Variants in IRAK2 observed in about 807,000 individuals in gnomAD.
IRAK2 encodes interleukin 1 receptor associated kinase 2.
Under a neutral mutation model 72.0 loss-of-function variants are expected in IRAK2, and 57 were observed. The ratio of observed to expected loss-of-function variants is 0.79; its 90% CI spans 0.64 to 0.99. The LOEUF (loss-of-function observed/expected upper bound fraction) is 0.99. Ranked by LOEUF, IRAK2 falls within the 50% of genes least tolerant of loss-of-function variation. IRAK2 has a pLI of 0.00. For synonymous variants in IRAK2, 293 were observed against 312.7 expected (o/e 0.94, Z 0.67); for missense variants, 790 against 794.4 (o/e 0.99, Z 0.07).
rs1273395262 is a variant in IRAK2, at chr3:10,181,703, A to G, written c.277+3683A>G. ...AACTGTCACGGAAGACTCTACAAAAACCACAACCTTGCATAAAGACCATTG... is the reference window on the plus strand; with the variant it reads ...AACTGTCACGGAAGACTCTACAAAAGCCACAACCTTGCATAAAGACCATTG... On this transcript the variant is annotated intron_variant, in intron 2 of 12. Coordinates refer to ENST00000256458, the MANE Select transcript of IRAK2 (RefSeq NM_001570.4). Among the ~76,000 whole-genome samples the G allele has an allele frequency of 9.9e-5, 15 of 152,272 alleles. No individual in the cohort carries two copies. In the East Asian group the frequency reaches 1.7e-3, roughly 18 times the overall value.
At chr3:10,228,652 A>G (rs1697816032) in intron 10 of IRAK2, among the ~76,000 whole-genome samples, 1 of 152,176 alleles carries the variant, frequency 6.6e-6, no homozygotes, top group Admixed American at 6.5e-5. Context: ...AGACTCTTGT[A>G]TGGTCTCTTA....
chr3:10,169,098 C>T (rs1461033867), intron 1 of IRAK2, among the ~76,000 whole-genome samples: 1 of 152,062 alleles, frequency 6.6e-6, no homozygotes, highest in Non-Finnish European at 1.5e-5. Flanking sequence ...AGCCACAAAA[C>T]CAGCGAGTTT....
intron 1 of IRAK2, among the ~76,000 whole-genome samples, chr3:10,172,667 G>A (rs1294825914): frequency 7.0e-6 from 1 of 142,480 alleles, no homozygotes; most frequent in Non-Finnish European, 1.5e-5. Flanking sequence ...GTGAAACCCC[G>A]TCTCTACCAA....
intron 7 of IRAK2, among the ~76,000 whole-genome samples, chr3:10,218,001 G>A (rs1051761730): frequency 6.6e-6 from 1 of 152,200 alleles, no homozygotes; most frequent in Non-Finnish European, 1.5e-5. Flanking sequence ...GGAACATAGA[G>A]GACAAATGTC....
intron 3 of IRAK2, 83 bp from the exon 4 acceptor site, chr3:10,209,503 GACT>G: frequency 1.2e-6 from 1 of 802,764 alleles, no homozygotes; most frequent in Non-Finnish European, 1.9e-6. Flanking sequence ...GTGAACAGGA[GACT>G]GGCATAGTCT....
Position 10,237,775 on chromosome 3 carries a change from C to T in IRAK2, c.1474-973C>T, listed in dbSNP as rs575476303. Among the ~76,000 whole-genome samples the T allele has an allele frequency of 1.1e-4, 16 of 141,334 alleles. 1 individual carries two copies. The highest frequency in any genetic ancestry group is 8.9e-4 in the South Asian group (4 of 4,494). The allele number at this position is 141,334 out of a possible 152,430, so 92.7% of individuals were successfully genotyped here. A position where few individuals can be genotyped will look rare whatever the true frequency, so the allele number is the denominator to read the frequency against. On this transcript the variant is annotated intron_variant, in intron 11 of 12. Coordinates refer to ENST00000256458, the MANE Select transcript of IRAK2 (RefSeq NM_001570.4). Reference sequence around the variant, plus strand: ...TGAACCGAGATACGCCCCTGCAGTCCGGCCTGGGCGAAAGAGCGAGACTCT... The same window carrying T: ...TGAACCGAGATACGCCCCTGCAGTCTGGCCTGGGCGAAAGAGCGAGACTCT...
At chr3:10,217,096 C>A (rs763123874) in intron 7 of IRAK2, 48 bp downstream of exon 7, 38 of 1,359,254 alleles carry the variant, frequency 2.8e-5, no homozygotes, top group Non-Finnish European at 3.7e-5. Context: ...CTGCACCCAG[C>A]CATGGGGTCA....
chr3:10,172,837 CAAAAAAAAA>C (rs533137515), intron 1 of IRAK2, among the ~76,000 whole-genome samples: 1 of 53,956 alleles, frequency 1.9e-5, no homozygotes, highest in South Asian at 9.1e-4. Flanking sequence ...GACTCTGTCT[CAAAAAAAAA>C]AAAAAAAAAA....
chr3:10,196,074 C>A (rs569992222), intron 2 of IRAK2, among the ~76,000 whole-genome samples: 47 of 152,302 alleles, frequency 3.1e-4, no homozygotes, highest in Middle Eastern at 6.8e-3. Flanking sequence ...AGCACTCACC[C>A]CGACATTGTT....
intron 2 of IRAK2, among the ~76,000 whole-genome samples, chr3:10,178,993 A>G (rs1384275153): frequency 1.3e-5 from 2 of 152,120 alleles, no homozygotes; most frequent in East Asian, 3.9e-4. Context: ...GTAGAGATCC[A>G]GGCTGGTCTT....
At chr3:10,196,151 A>G (rs1697261409) in intron 2 of IRAK2, among the ~76,000 whole-genome samples, 1 of 152,140 alleles carries the variant, frequency 6.6e-6, no homozygotes, top group Non-Finnish European at 1.5e-5. Flanking sequence ...GTCTTGCTCT[A>G]TTGCCCAGGC....
chr3:10,168,752 C>A (rs1575948614), intron 1 of IRAK2, among the ~76,000 whole-genome samples: 2 of 152,188 alleles, frequency 1.3e-5, no homozygotes, highest in East Asian at 3.8e-4. Context: ...TCTCTGACCT[C>A]CTCTTCTTCC....
In IRAK2 at chr3:10,219,781, C is replaced by T. The variant is rs753772213; in HGVS notation, c.1005C>T (p.Asn335=). ...ATGGTCTGGAGATCATCCACAGCAACGTCAAGAGGTGAGAGAGGTGGGCTG... is the reference window on the plus strand; with the variant it reads ...ATGGTCTGGAGATCATCCACAGCAATGTCAAGAGGTGAGAGAGGTGGGCTG... ...YLHGLEIIHS[N]VKSSNVLLDQ... The change falls in exon 8 of 13, where the codon AAC becomes AAT. Residue 335 remains asparagine, a synonymous_variant. Transcript: ENST00000256458. 74 of 1,611,444 alleles carry T rather than the reference C, an allele frequency of 4.6e-5. No individual in the cohort carries two copies. The highest frequency in any genetic ancestry group is 6.0e-5 in the Non-Finnish European group (71 of 1,177,794).
intron 10 of IRAK2, among the ~76,000 whole-genome samples, chr3:10,233,341 C>T (rs756242551): frequency 9.9e-5 from 15 of 152,018 alleles, no homozygotes; most frequent in Non-Finnish European, 1.8e-4. Flanking sequence ...CATGAGGCAC[C>T]GCACCTGGCC....
chr3:10,210,538 C>G (rs979326358), intron 4 of IRAK2, among the ~76,000 whole-genome samples: 1 of 152,058 alleles, frequency 6.6e-6, no homozygotes, highest in Non-Finnish European at 1.5e-5. Context: ...GAGCCTAGAC[C>G]CTTTGCATCC....
intron 1 of IRAK2, among the ~76,000 whole-genome samples, chr3:10,165,884 C>G (rs182921865): frequency 2.7e-3 from 417 of 152,236 alleles, no homozygotes; most frequent in African/African-American, 9.7e-3. Context: ...GCGCCCGCCA[C>G]CACGCCCGGC....
At chr3:10,231,250 T>G (rs896459456) in intron 10 of IRAK2, among the ~76,000 whole-genome samples, 1 of 152,110 alleles carries the variant, frequency 6.6e-6, no homozygotes, top group African/African-American at 2.4e-5. Context: ...AGAGTAGAAA[T>G]GAAAGGTAAA....
rs1459851707 is a variant in IRAK2, at chr3:10,242,085, T to C, written c.1766-31T>C. ...ATAATAATAGTAACTTTCATTCAAG[T>C]CGCTCTTGTTTGCTTTCTGTTGAAC... On this transcript the variant is annotated intron_variant, in intron 12 of 12. Coordinates refer to ENST00000256458, the MANE Select transcript of IRAK2 (RefSeq NM_001570.4). 2.4e-6 allele frequency: 3 copies of C among 1,255,610 alleles called. No individual in the cohort carries two copies. In the Admixed American group the frequency reaches 5.4e-5, roughly 23 times the overall value. The allele number at this position is 1,255,610 out of a possible 1,614,324, so 77.8% of individuals were successfully genotyped here.
chr3:10,181,647 G>A (rs542623205), intron 2 of IRAK2, among the ~76,000 whole-genome samples: 17 of 152,190 alleles, frequency 1.1e-4, no homozygotes, highest in African/African-American at 3.6e-4. Context: ...CATGAAGGGA[G>A]GACTGTCATG....
Sources: allele counts gnomAD v4.1 joint callset (sites outside exome capture counted in the v4.1 genomes callset), GRCh38; gene constraint gnomAD v4.1.1; transcripts MANE v1.5; gene names NCBI Gene and HGNC (gene_info 2026-07-23, HGNC 2026-07-21).